Variants in ARHGAP32 observed in about 807,000 individuals in gnomAD.
ARHGAP32 encodes rho GTPase-activating protein 32.
In ARHGAP32, 51 loss-of-function variants were observed where a neutral mutation model predicts 186.5. That is an observed-to-expected ratio of 0.27 (90% CI 0.22 to 0.35). The LOEUF is 0.35. Among genes scored for constraint, ARHGAP32 ranks in the 10% least tolerant of loss-of-function variants. ARHGAP32 has a pLI of 1.00. For missense variants in ARHGAP32, 2,186 were observed against 2,623.5 expected, an observed-to-expected ratio of 0.83 and a Z score of 3.64; for synonymous variants, 950 against 964.3, an observed-to-expected ratio of 0.99 and a Z score of 0.27.
At chr11:129,258,465 C>T (rs2135705224) in intron 1 of ARHGAP32, among the ~76,000 whole-genome samples, 1 of 152,080 alleles carries the variant, frequency 6.6e-6, no homozygotes, top group East Asian at 1.9e-4. Context: ...CTGCCACGTC[C>T]CTCTTTTTAA....
At chr11:129,076,036 C>G (rs918941601) in intron 6 of ARHGAP32, among the ~76,000 whole-genome samples, 46 of 152,168 alleles carry the variant, frequency 3.0e-4, no homozygotes, top group Non-Finnish European at 5.4e-4. Flanking sequence ...ATGAAAGTGA[C>G]CTTTAGTCAT....
chr11:129,123,854 C>G lies in ARHGAP32; in HGVS notation c.359+34G>C. The G allele has an allele frequency of 1.5e-6, 2 of 1,306,336 alleles. No homozygotes were observed. Among genetic ancestry groups the G allele is most frequent in the Non-Finnish European group, 2.0e-6 (2 of 1,000,508 alleles). The allele number at this position is 1,306,336 out of a possible 1,614,324, so 80.9% of individuals were successfully genotyped here. On this transcript the variant is annotated intron_variant, in intron 4 of 22. Transcript: ENST00000682385. This position sits in a 1 kb window ranked among gnomAD's most constrained non-coding sequence, Gnocchi z 4.6. The stretch of plus-strand genomic sequence containing the variant: ...TGGACAGCCAGCTTCTAACCAGAAG[C>G]ATTCCCAACACAAAGTAGAAAACCA...
chr11:128,977,283 C>T (rs1309181382), intron 19 of ARHGAP32, among the ~76,000 whole-genome samples: 2 of 152,202 alleles, frequency 1.3e-5, no homozygotes, highest in African/African-American at 4.8e-5. Flanking sequence ...GGTAACTTTA[C>T]GTACATATGT....
chr11:129,101,750 G>A (rs181728392), intron 5 of ARHGAP32, among the ~76,000 whole-genome samples: 1 of 152,300 alleles, frequency 6.6e-6, no homozygotes, highest in Non-Finnish European at 1.5e-5. Context: ...TTAAAGAGGT[G>A]GAGAGAATGG....
intron 12 of ARHGAP32, 69 bp from the exon 13 acceptor site, chr11:128,988,194 A>C: frequency 1.7e-6 from 2 of 1,153,354 alleles, no homozygotes; most frequent in South Asian, 1.5e-5. Context: ...CCAAAAAATA[A>C]GATTGTCTTA....
Position 128,966,017 on chromosome 11 carries a change from C to T in ARHGAP32, c.*2890G>A, listed in dbSNP as rs1376846909. The T allele has an allele frequency of 2.0e-5, 3 of 152,036 alleles. No homozygotes were observed. Among genetic ancestry groups the T allele is most frequent in the South Asian group, 2.1e-4 (1 of 4,826 alleles). The allele number at this position is 152,036 out of a possible 1,614,324, so 9.4% of individuals were successfully genotyped here. ...ATCCCAGGGACTTGCAGGTTTGAAA[C>T]GAAATTGAATATAGTAAGAAATAAG... On this transcript the variant is annotated 3_prime_UTR_variant, in exon 23 of 23. Transcript: ENST00000682385.
At chr11:129,157,960 A>C (rs1212688698) in intron 2 of ARHGAP32, among the ~76,000 whole-genome samples, 5 of 152,222 alleles carry the variant, frequency 3.3e-5, no homozygotes. Flanking sequence ...CCAGAATTTC[A>C]TATCCAGCCA....
At chr11:129,249,340 C>T (rs1052992639) in intron 1 of ARHGAP32, among the ~76,000 whole-genome samples, 1 of 152,040 alleles carries the variant, frequency 6.6e-6, no homozygotes, top group African/African-American at 2.4e-5. Context: ...TACACACACA[C>T]ATACATATAT....
intron 19 of ARHGAP32, among the ~76,000 whole-genome samples, chr11:128,978,259 T>G (rs2136094169): frequency 6.6e-6 from 1 of 152,334 alleles, no homozygotes; most frequent in Admixed American, 6.5e-5. Context: ...CAGAAGTTGT[T>G]AATATCAATA....
intron 6 of ARHGAP32, among the ~76,000 whole-genome samples, chr11:129,089,164 T>C (rs1034073474): frequency 4.6e-5 from 7 of 152,322 alleles, no homozygotes; most frequent in Middle Eastern, 3.4e-3. Flanking sequence ...GAATTTGTTC[T>C]TCTTTCACTC....
intron 1 of ARHGAP32, among the ~76,000 whole-genome samples, chr11:129,177,943 G>A (rs1487713562): frequency 1.3e-5 from 2 of 152,072 alleles, no homozygotes; most frequent in Non-Finnish European, 2.9e-5. Context: ...TCTGGCCAGG[G>A]CAATTAGGCA....
At chr11:129,085,168 C>A (rs1941347766) in intron 6 of ARHGAP32, among the ~76,000 whole-genome samples, 1 of 151,912 alleles carries the variant, frequency 6.6e-6, no homozygotes. Flanking sequence ...AGACCACAGG[C>A]ACACACCACC....
At chr11:129,213,831 G>A (rs748468601) in intron 1 of ARHGAP32, among the ~76,000 whole-genome samples, 11 of 151,784 alleles carry the variant, frequency 7.2e-5, no homozygotes, top group Non-Finnish European at 1.2e-4. Context: ...CATTAAATGA[G>A]GTCAGGAAGA....
intron 11 of ARHGAP32, chr11:129,030,315 A>G (rs373079180): frequency 2.0e-5 from 3 of 152,250 alleles, no homozygotes; most frequent in Admixed American, 1.3e-4. Flanking sequence ...CTGAAAAAAG[A>G]AAGAAAATAG....
At chr11:129,112,144 G>A (rs1371063362) in intron 5 of ARHGAP32, among the ~76,000 whole-genome samples, 1 of 152,052 alleles carries the variant, frequency 6.6e-6, no homozygotes, top group Non-Finnish European at 1.5e-5. Flanking sequence ...TCGGGAGGCT[G>A]AGACAGGAGA....
At chr11:129,062,415 A>G in intron 9 of ARHGAP32, 58 bp from the exon 10 acceptor site, 1 of 1,401,978 alleles carries the variant, frequency 7.1e-7, no homozygotes, top group Non-Finnish European at 1.0e-6. Flanking sequence ...ACCAATTGTT[A>G]TACCTAGAAT....
chr11:129,048,074 A>C (rs1939888067), intron 10 of ARHGAP32, among the ~76,000 whole-genome samples: 5 of 145,122 alleles, frequency 3.4e-5, no homozygotes, highest in African/African-American at 7.7e-5. Context: ...CAATTCCCCC[A>C]CCCCCCACTC....
Position 128,980,541 on chromosome 11 carries a change from A to G in ARHGAP32, c.1976+12T>C. 1 of 1,593,110 alleles carries G rather than the reference A, an allele frequency of 6.3e-7. No homozygotes were observed. Among genetic ancestry groups the G allele is most frequent in the Non-Finnish European group, 8.6e-7 (1 of 1,168,454 alleles). Reference sequence around the variant, plus strand: ...AAAATCATATCCCAAAATAGGATTTAACAAATTTTACCTTTCAAGTGGGAA... The same window carrying G: ...AAAATCATATCCCAAAATAGGATTTGACAAATTTTACCTTTCAAGTGGGAA... On this transcript the variant is annotated intron_variant, in intron 18 of 22. Coordinates refer to ENST00000682385, the MANE Select transcript of ARHGAP32 (RefSeq NM_001378024.1).
chr11:129,019,669 C>G (rs1405542388), intron 11 of ARHGAP32, among the ~76,000 whole-genome samples: 1 of 151,596 alleles, frequency 6.6e-6, no homozygotes, highest in African/African-American at 2.4e-5. Context: ...CGGTAATATC[C>G]TATAATATCT....
Sources: allele counts gnomAD v4.1 joint callset (sites outside exome capture counted in the v4.1 genomes callset), GRCh38; gene constraint gnomAD v4.1.1; non-coding constraint Gnocchi (gnomAD v3.1); transcripts MANE v1.5; gene names NCBI Gene and HGNC (gene_info 2026-07-23, HGNC 2026-07-21).